Variants in CDH12 observed in about 807,000 individuals in gnomAD.
CDH12 encodes cadherin 12, also known as cadherin-12.
CDH12 carries 41 observed loss-of-function variants against 74.1 expected under a neutral mutation model. The observed-to-expected ratio is 0.55, with a 90% CI of 0.43 to 0.72. CDH12 has a LOEUF of 0.72. CDH12 is among the 30% of genes least tolerant of loss of function. The pLI is 0.00. For synonymous variants in CDH12, 399 were observed against 355.0 expected (o/e 1.12, Z -1.39); for missense variants, 945 against 977.2 (o/e 0.97, Z 0.44).
chr5:22,831,766 C>T (rs1581044389), intron 1 of CDH12, among the ~76,000 whole-genome samples: 1 of 151,824 alleles, frequency 6.6e-6, no homozygotes, highest in Non-Finnish European at 1.5e-5. Flanking sequence ...GGCGCGGTGG[C>T]GAGCGCCTGT....
rs200308137 is a variant in CDH12 at position 22,233,298 on chromosome 5, C to CA, written c.-332-20656dup. 3.3e-3 allele frequency among the ~76,000 whole-genome samples: 488 copies of CA among 146,676 alleles called. 1 individual carries two copies. The highest frequency in any genetic ancestry group is 0.01 in the Middle Eastern group (3 of 288). ...AACTGATCATAGATACATAGACAAG[C>CA]AAAAAAAATATATATATATAGTTAA... is the stretch of plus-strand genomic sequence containing the variant. On this transcript the variant is annotated intron_variant, in intron 3 of 14. Transcript: ENST00000382254.
In CDH12 at chr5:21,751,702, C is replaced by T. The variant is rs1323459672; in HGVS notation, c.*35G>A. 1.3e-5 allele frequency: 20 copies of T among 1,544,770 alleles called. 1 individual carries two copies. The African/African-American group carries it at 1.7e-4, about 13-fold the overall frequency. On this transcript the variant is annotated 3_prime_UTR_variant, in exon 15 of 15. Coordinates refer to ENST00000382254, the MANE Select transcript of CDH12 (RefSeq NM_004061.5). ...GTTTCTTTTTCTTTTTTAAAAATCTCCCCTCTCGGTTGTATTTTAGCCTCC... is the reference window on the plus strand; with the variant it reads ...GTTTCTTTTTCTTTTTTAAAAATCTTCCCTCTCGGTTGTATTTTAGCCTCC...
intron 5 of CDH12, among the ~76,000 whole-genome samples, chr5:22,057,554 G>A (rs1428817879): frequency 6.6e-6 from 1 of 152,096 alleles, no homozygotes; most frequent in Non-Finnish European, 1.5e-5. Context: ...GAACAGACTC[G>A]CGGAAGGGAG....
At chr5:22,507,279 C>CATGT (rs1345252788) in intron 1 of CDH12, among the ~76,000 whole-genome samples, 4 of 151,908 alleles carry the variant, frequency 2.6e-5, no homozygotes, top group African/African-American at 9.7e-5. Context: ...TTACTATGAC[C>CATGT]ATGTTTTCAT....
chr5:22,599,526 T>C (rs1249572822), intron 1 of CDH12, among the ~76,000 whole-genome samples: 1 of 152,092 alleles, frequency 6.6e-6, no homozygotes, highest in Non-Finnish European at 1.5e-5. Context: ...TTCTTATCAT[T>C]GAAGTTTTAT....
chr5:21,823,176 A>C (rs142133614), intron 8 of CDH12, among the ~76,000 whole-genome samples: 1 of 152,232 alleles, frequency 6.6e-6, no homozygotes, highest in African/African-American at 2.4e-5. Context: ...CAAAAAAGTA[A>C]AATAGCAGAA....
intron 1 of CDH12, among the ~76,000 whole-genome samples, chr5:22,529,942 CAGTACACTG>C (rs1398347415): frequency 6.6e-6 from 1 of 152,106 alleles, no homozygotes; most frequent in Non-Finnish European, 1.5e-5. Context: ...TTCTGGGCAA[CAGTACACTG>C]AGTACACTGA....
At chr5:21,896,951 T>A (rs1753152768) in intron 6 of CDH12, among the ~76,000 whole-genome samples, 1 of 152,182 alleles carries the variant, frequency 6.6e-6, no homozygotes, top group Admixed American at 6.5e-5. Flanking sequence ...ACTTTGAGGT[T>A]TCTGCTCTTT....
intron 5 of CDH12, among the ~76,000 whole-genome samples, chr5:22,064,634 T>G (rs890156957): frequency 6.6e-6 from 1 of 152,182 alleles, no homozygotes; most frequent in Non-Finnish European, 1.5e-5. Flanking sequence ...CTGAAGCTCA[T>G]AACATAATAT....
Position 22,375,805 on chromosome 5 carries a change from GA to G in CDH12, c.-333+29451del, listed in dbSNP as rs530693221. Among the ~76,000 whole-genome samples, 9 of 147,756 alleles carry G rather than the reference GA, an allele frequency of 6.1e-5. No individual in the cohort carries two copies. In the South Asian group the frequency reaches 1.7e-3, roughly 28 times the overall value. On this transcript the variant is annotated intron_variant, in intron 3 of 14. Transcript: ENST00000382254. ...AAGACAAAAAACAAACAAACAAACA[GA>G]AAAAAAAACAGATGCTAACGAGGCT...
intron 1 of CDH12, among the ~76,000 whole-genome samples, chr5:22,768,623 A>C (rs1225482752): frequency 2.6e-5 from 4 of 152,134 alleles, no homozygotes; most frequent in Non-Finnish European, 1.5e-5. Context: ...ATATATATTC[A>C]GTTCTTTACT....
chr5:22,729,039 T>A (rs902571505), intron 1 of CDH12, among the ~76,000 whole-genome samples: 4 of 151,858 alleles, frequency 2.6e-5, no homozygotes, highest in Non-Finnish European at 4.4e-5. Context: ...AGTTCCTCAT[T>A]ACCATGTTAG....
intron 3 of CDH12, among the ~76,000 whole-genome samples, chr5:22,307,374 T>C (rs1311503632): frequency 6.6e-6 from 1 of 152,202 alleles, no homozygotes; most frequent in Non-Finnish European, 1.5e-5. Flanking sequence ...TACTAAGTTG[T>C]GATTGTGTGG....
intron 6 of CDH12, among the ~76,000 whole-genome samples, chr5:21,891,785 C>T (rs1752911247): frequency 6.6e-6 from 1 of 152,018 alleles, no homozygotes; most frequent in African/African-American, 2.4e-5. Flanking sequence ...CTTAATTCTC[C>T]TTGCTAAATG....
intron 6 of CDH12, among the ~76,000 whole-genome samples, chr5:21,965,920 T>C (rs1435010035): frequency 6.6e-6 from 1 of 152,128 alleles, no homozygotes; most frequent in East Asian, 1.9e-4. Flanking sequence ...CATAATTGTG[T>C]GAGGAATAAT....
intron 5 of CDH12, among the ~76,000 whole-genome samples, chr5:22,013,234 A>C (rs1422207536): frequency 1.3e-5 from 2 of 152,330 alleles, no homozygotes; most frequent in East Asian, 3.9e-4. Flanking sequence ...CTTCTTCACA[A>C]GGTGGCAGGA....
chr5:22,259,066 A>C (rs553392104), intron 3 of CDH12, among the ~76,000 whole-genome samples: 6 of 152,102 alleles, frequency 3.9e-5, no homozygotes, highest in Non-Finnish European at 7.4e-5. Flanking sequence ...TAATGTGTTT[A>C]TTTGGATATT....
chr5:22,760,524 CA>C (rs2127054194), intron 1 of CDH12, among the ~76,000 whole-genome samples: 1 of 151,630 alleles, frequency 6.6e-6, no homozygotes, highest in East Asian at 1.9e-4. Context: ...ACTAAAAATA[CA>C]AAAATTAGCT....
At chr5:21,883,224 G>C (rs1752449954) in intron 6 of CDH12, 1 of 1,365,054 alleles carries the variant, frequency 7.3e-7, no homozygotes, top group Non-Finnish European at 1.0e-6. Context: ...TGATGAATTA[G>C]AAATTATTGA....
Sources: gnomAD v4.1 joint callset for allele counts (sites outside exome capture counted in the v4.1 genomes callset) on GRCh38, gnomAD v4.1.1 for gene constraint, MANE v1.5 for transcripts, NCBI Gene and HGNC (gene_info 2026-07-23, HGNC 2026-07-21) for gene names.